CRB1: variants seen among roughly 807,000 people sequenced by gnomAD.
The protein encoded by CRB1 is protein crumbs homolog 1.
CRB1 carries 83 observed loss-of-function variants against 120.0 expected under a neutral mutation model. That is an observed-to-expected ratio of 0.69 (90% CI 0.58 to 0.83). The LOEUF (loss-of-function observed/expected upper bound fraction) is 0.83. CRB1 is among the 40% of genes least tolerant of loss of function. CRB1 has a pLI of 0.00. For missense variants in CRB1, 1,699 were observed against 1,687.6 expected (o/e 1.01, Z -0.12); for synonymous variants, 625 against 612.5 (o/e 1.02, Z -0.30).
At chr1:197,419,191 T>C (rs1664157276) in intron 5 of CRB1, among the ~76,000 whole-genome samples, 2 of 152,200 alleles carry the variant, frequency 1.3e-5, no homozygotes, top group Non-Finnish European at 2.9e-5. Context: ...TCAAGCAGCA[T>C]AGCTGGGGTT....
chr1:197,414,831 G>A (rs1373030650), intron 5 of CRB1, among the ~76,000 whole-genome samples: 10 of 151,960 alleles, frequency 6.6e-5, no homozygotes, highest in Admixed American at 4.6e-4. Context: ...TAGTTTTCTG[G>A]GTTCATCAAA....
At chr1:197,455,772 T>G (rs1666256482) in intron 11 of CRB1, among the ~76,000 whole-genome samples, 1 of 152,100 alleles carries the variant, frequency 6.6e-6, no homozygotes, top group African/African-American at 2.4e-5. Context: ...TTTTCCTAAA[T>G]TTCTTTAAAT....
intron 1 of CRB1, among the ~76,000 whole-genome samples, chr1:197,285,359 T>C (rs1185319160): frequency 6.6e-6 from 1 of 151,740 alleles, no homozygotes; most frequent in East Asian, 1.9e-4. Flanking sequence ...ATGAGGCAAC[T>C]TGTTAGAAGG....
intron 2 of CRB1, among the ~76,000 whole-genome samples, chr1:197,332,127 G>A (rs1305935232): frequency 6.6e-6 from 1 of 151,686 alleles, no homozygotes; most frequent in Non-Finnish European, 1.5e-5. Flanking sequence ...GCGACAGGGT[G>A]AGACCCTGTC....
intron 1 of CRB1, among the ~76,000 whole-genome samples, chr1:197,276,380 T>G (rs987306461): frequency 1.3e-5 from 2 of 151,720 alleles, no homozygotes; most frequent in African/African-American, 2.4e-5. Context: ...ATTCCATAAT[T>G]TTTTTATTTA....
the CRB1 span, among the ~76,000 whole-genome samples, chr1:197,256,357 AT>A: frequency 6.6e-6 from 1 of 151,634 alleles, no homozygotes; most frequent in Non-Finnish European, 1.5e-5. Context: ...TATTATTATT[AT>A]TTTTTATAAA....
intron 5 of CRB1, among the ~76,000 whole-genome samples, chr1:197,403,818 T>A (rs527803403): frequency 3.4e-4 from 51 of 152,210 alleles, no homozygotes; most frequent in African/African-American, 1.2e-3. Context: ...CTTCCCCACA[T>A]CTCCTTAGCA....
intron 5 of CRB1, among the ~76,000 whole-genome samples, chr1:197,392,914 T>C (rs1359940242): frequency 1.3e-5 from 2 of 152,102 alleles, no homozygotes; most frequent in Non-Finnish European, 2.9e-5. Flanking sequence ...AATCAGCTTA[T>C]AAATGCAGGT....
At chr1:197,222,687 C>G in the CRB1 span, 36 of 794,846 alleles carry the variant, frequency 4.5e-5, no homozygotes, top group Non-Finnish European at 7.8e-5. Context: ...TTACTTGTTT[C>G]AGGAAAACTC....
chr1:197,296,776 G>C (rs895234297), intron 1 of CRB1, among the ~76,000 whole-genome samples: 1 of 152,032 alleles, frequency 6.6e-6, no homozygotes, highest in Non-Finnish European at 1.5e-5. Flanking sequence ...TCTCATGGTA[G>C]TGAATAAGTC....
At chr1:197,432,111 T>TC (rs931595714) in intron 8 of CRB1, among the ~76,000 whole-genome samples, 3 of 151,996 alleles carry the variant, frequency 2.0e-5, no homozygotes, top group African/African-American at 7.3e-5. Flanking sequence ...ATGGTAAAGT[T>TC]CCCCAAAGAA....
At chr1:197,418,384 G>A (rs75387073) in intron 5 of CRB1, among the ~76,000 whole-genome samples, 5,542 of 152,150 alleles carry the variant, frequency 0.036, 308 homozygotes, top group African/African-American at 0.12. Flanking sequence ...CTTCCATTCA[G>A]TTCTATTCTT....
At chr1:197,310,370 G>A (rs1018810002) in intron 1 of CRB1, among the ~76,000 whole-genome samples, 7 of 152,114 alleles carry the variant, frequency 4.6e-5, no homozygotes, top group Non-Finnish European at 7.3e-5. Flanking sequence ...TATGCAGAAT[G>A]TTGTGGCACC....
intron 4 of CRB1, among the ~76,000 whole-genome samples, chr1:197,354,853 CCCG>C (rs1302354935): frequency 2.6e-4 from 3 of 11,476 alleles, no homozygotes; most frequent in Non-Finnish European, 5.9e-4. Context: ...CCCCCCCCCC[CCCG>C]CCCACCCACC....
chr1:197,341,561 A>G (rs1229782639), intron 2 of CRB1, among the ~76,000 whole-genome samples: 1 of 152,036 alleles, frequency 6.6e-6, no homozygotes, highest in Non-Finnish European at 1.5e-5. Context: ...GAAAAGGGTG[A>G]TCTGGTCTGG....
intron 4 of CRB1, 44 bp downstream of exon 4, chr1:197,347,523 A>G (rs757074899): frequency 2.7e-5 from 43 of 1,588,804 alleles, no homozygotes; most frequent in Non-Finnish European, 3.5e-5. Context: ...TCATTTGTTT[A>G]GAATACACAT....
the CRB1 span, among the ~76,000 whole-genome samples, chr1:197,202,887 G>T: frequency 2.6e-5 from 4 of 152,044 alleles, no homozygotes; most frequent in Admixed American, 2.6e-4. Flanking sequence ...AAAATACGTT[G>T]CAGGAAATGA....
intron 5 of CRB1, among the ~76,000 whole-genome samples, chr1:197,394,829 A>C (rs1404856369): frequency 2.6e-5 from 4 of 152,076 alleles, no homozygotes; most frequent in Non-Finnish European, 4.4e-5. Context: ...CAGGGAGTCT[A>C]AACCATTCAC....
rs987199796 is a variant in CRB1 at position 197,429,533 on chromosome 1, G to A, written c.2761G>A (p.Ala921Thr). ...CSCPALTSGK[A>T]CEEVQWCGFS... ...CTGTCCTGCCCTCACAAGTGGGAAA[G>A]CCTGTGAGGAGGTTCAGTGGTGTGG... is the stretch of plus-strand genomic sequence containing the variant. The change falls in exon 8 of 12, where the codon GCC becomes ACC. Residue 921 changes from alanine to threonine, a missense_variant. By Grantham distance (58) the Ala-to-Thr change is moderately conservative (BLOSUM62 0). Transcript: ENST00000367400. The A allele has an allele frequency of 6.2e-7, 1 of 1,613,934 alleles. No individual in the cohort carries two copies. Among genetic ancestry groups the A allele is most frequent in the Non-Finnish European group, 8.5e-7 (1 of 1,179,886 alleles).
Sources: allele counts gnomAD v4.1 joint callset (sites outside exome capture counted in the v4.1 genomes callset), GRCh38; gene constraint gnomAD v4.1.1; transcripts MANE v1.5; gene names NCBI Gene and HGNC (gene_info 2026-07-23, HGNC 2026-07-21).